CCSER1: variants seen among roughly 807,000 people sequenced by gnomAD.
CCSER1 encodes coiled-coil serine rich protein 1, also known as serine-rich coiled-coil domain-containing protein 1.
In CCSER1, 41 loss-of-function variants were observed where a neutral mutation model predicts 82.0. The ratio of observed to expected loss-of-function variants is 0.50; its 90% CI spans 0.39 to 0.65. The LOEUF (loss-of-function observed/expected upper bound fraction) is 0.65, where lower values mean the gene tolerates loss of function less well. Ranked by LOEUF, CCSER1 falls within the 30% of genes least tolerant of loss-of-function variation. The pLI is 0.00. For missense variants in CCSER1, 1,119 were observed against 1,064.2 expected, an observed-to-expected ratio of 1.05 and a Z score of -0.72; for synonymous variants, 414 against 383.9, an observed-to-expected ratio of 1.08 and a Z score of -0.92.
chr4:91,589,863 AAGG>A (rs941366673), intron 10 of CCSER1, among the ~76,000 whole-genome samples: 11 of 151,886 alleles, frequency 7.2e-5, no homozygotes, highest in Admixed American at 5.3e-4. Flanking sequence ...CCTTTTAACT[AAGG>A]AGAATTACTG....
At chr4:91,103,190 C>G (rs543160319) in intron 10 of CCSER1, among the ~76,000 whole-genome samples, 221 of 152,280 alleles carry the variant, frequency 1.5e-3, no homozygotes, top group African/African-American at 4.8e-3. Flanking sequence ...CCTTCGAGGT[C>G]ATTTATTTGA....
intron 7 of CCSER1, among the ~76,000 whole-genome samples, chr4:90,742,923 A>G (rs1383152326): frequency 6.6e-6 from 1 of 152,198 alleles, no homozygotes; most frequent in Non-Finnish European, 1.5e-5. Flanking sequence ...AATGAGTAAA[A>G]TAAACAAATA....
chr4:91,438,146 A>G, intron 10 of CCSER1, among the ~76,000 whole-genome samples: 1 of 152,226 alleles, frequency 6.6e-6, no homozygotes. Flanking sequence ...CCCAGCACAC[A>G]GCCGGAGATC....
At chr4:90,740,501 G>A (rs2149440603) in intron 7 of CCSER1, among the ~76,000 whole-genome samples, 1 of 152,152 alleles carries the variant, frequency 6.6e-6, no homozygotes, top group African/African-American at 2.4e-5. Flanking sequence ...GTAGACCTCT[G>A]GGAAAAATAT....
At chr4:91,273,893 G>A (rs1240124440) in intron 10 of CCSER1, among the ~76,000 whole-genome samples, 1 of 151,998 alleles carries the variant, frequency 6.6e-6, no homozygotes, top group African/African-American at 2.4e-5. Context: ...CTGTTTCTGT[G>A]GTGTATCACC....
chr4:90,826,156 G>C (rs1760411263), intron 8 of CCSER1, among the ~76,000 whole-genome samples: 1 of 152,092 alleles, frequency 6.6e-6, no homozygotes, highest in Admixed American at 6.6e-5. Flanking sequence ...TTGGGATTTG[G>C]CTATCACCTC....
intron 3 of CCSER1, among the ~76,000 whole-genome samples, chr4:90,398,776 C>T (rs1457963210): frequency 6.6e-6 from 1 of 152,104 alleles, no homozygotes; most frequent in Non-Finnish European, 1.5e-5. Flanking sequence ...GAAAGAAGCA[C>T]TTAGATTTGG....
intron 6 of CCSER1, among the ~76,000 whole-genome samples, chr4:90,667,685 T>C (rs1732057838): frequency 1.3e-5 from 2 of 152,216 alleles, no homozygotes; most frequent in Non-Finnish European, 1.5e-5. Flanking sequence ...TACTCTTTCA[T>C]GGTTGCATAG....
chr4:90,345,515 T>A (rs1742163461), intron 3 of CCSER1, among the ~76,000 whole-genome samples: 1 of 152,128 alleles, frequency 6.6e-6, no homozygotes, highest in Admixed American at 6.6e-5. Context: ...AGGTGATAAT[T>A]TTTTGTGTGT....
intron 4 of CCSER1, among the ~76,000 whole-genome samples, chr4:90,434,639 G>A (rs903168713): frequency 1.3e-5 from 2 of 152,168 alleles, no homozygotes; most frequent in African/African-American, 2.4e-5. Flanking sequence ...AAAGACCAGA[G>A]GGTATTTGGG....
intron 1 of CCSER1, among the ~76,000 whole-genome samples, chr4:90,283,574 A>G (rs762291200): frequency 1.3e-5 from 2 of 152,086 alleles, no homozygotes; most frequent in African/African-American, 2.4e-5. Context: ...TTTTAACTGT[A>G]GTCACCTTAT....
chr4:90,583,840 A>G (rs1781690941), intron 5 of CCSER1, among the ~76,000 whole-genome samples: 1 of 152,200 alleles, frequency 6.6e-6, no homozygotes, highest in Non-Finnish European at 1.5e-5. Flanking sequence ...AGTCTTGTAA[A>G]TGTCAAATAC....
chr4:90,551,249 CT>C (rs1178768654), intron 5 of CCSER1, among the ~76,000 whole-genome samples: 2 of 152,090 alleles, frequency 1.3e-5, no homozygotes, highest in Non-Finnish European at 2.9e-5. Flanking sequence ...TTCCCTATGG[CT>C]CTTAGTGTAA....
At chr4:90,863,570 G>A (rs1765360442) in intron 8 of CCSER1, among the ~76,000 whole-genome samples, 1 of 151,340 alleles carries the variant, frequency 6.6e-6, no homozygotes, top group Non-Finnish European at 1.5e-5. Context: ...AGCAAACAAA[G>A]CTCTTTATTT....
At chr4:90,970,763 A>G (rs879565396) in intron 9 of CCSER1, among the ~76,000 whole-genome samples, 1 of 152,046 alleles carries the variant, frequency 6.6e-6, no homozygotes, top group Admixed American at 6.6e-5. Flanking sequence ...GTATTAAACT[A>G]GAAATCAATA....
At chr4:90,980,527 A>T (rs1279375102) in intron 9 of CCSER1, among the ~76,000 whole-genome samples, 3 of 151,856 alleles carry the variant, frequency 2.0e-5, no homozygotes, top group African/African-American at 7.2e-5. Context: ...TTGATGAACA[A>T]TAAACTCTAG....
At chr4:90,956,990 G>T (rs897317886) in intron 9 of CCSER1, among the ~76,000 whole-genome samples, 2 of 147,768 alleles carry the variant, frequency 1.4e-5, no homozygotes, top group South Asian at 2.1e-4. Flanking sequence ...TGTTGCCCAG[G>T]CTGGTCTTGA....
intron 9 of CCSER1, among the ~76,000 whole-genome samples, chr4:90,999,878 G>A (rs1737841380): frequency 2.2e-5 from 1 of 46,388 alleles, no homozygotes; most frequent in Non-Finnish European, 4.0e-5. Context: ...GTGTTTCTGA[G>A]GTTTTTTTTT....
At chr4:90,531,891 A>G (rs1457144118) in intron 5 of CCSER1, among the ~76,000 whole-genome samples, 1 of 152,144 alleles carries the variant, frequency 6.6e-6, no homozygotes, top group Non-Finnish European at 1.5e-5. Flanking sequence ...ATAACAACAT[A>G]CTTTCAACAG....
Sources: allele counts gnomAD v4.1 joint callset (sites outside exome capture counted in the v4.1 genomes callset), GRCh38; gene constraint gnomAD v4.1.1; transcripts MANE v1.5; gene names NCBI Gene and HGNC (gene_info 2026-07-23, HGNC 2026-07-21).